CSMD1: variants seen among roughly 807,000 people sequenced by gnomAD.
CSMD1 encodes the protein CUB and sushi domain-containing protein 1.
Under a neutral mutation model 417.5 loss-of-function variants are expected in CSMD1, and 213 were observed. The observed-to-expected ratio is 0.51, with a 90% CI of 0.46 to 0.57. The LOEUF (loss-of-function observed/expected upper bound fraction) is 0.57. Among genes scored for constraint, CSMD1 ranks in the 20% least tolerant of loss-of-function variants. CSMD1 has a pLI of 0.00. For synonymous variants in CSMD1, 2,862 were observed against 1,736.8 expected (o/e 1.65, Z -16.11); for missense variants, 6,923 against 4,529.7 (o/e 1.53, Z -15.17).
intron 2 of CSMD1, among the ~76,000 whole-genome samples, chr8:4,548,742 C>A (rs1236225521): frequency 1.3e-5 from 2 of 152,130 alleles, no homozygotes; most frequent in African/African-American, 4.8e-5. Flanking sequence ...AATTACAGAA[C>A]CGCTTTGAAA....
Position 3,586,183 on chromosome 8 carries a change from A to G in CSMD1, c.1175T>C (p.Val392Ala). The G allele has an allele frequency of 6.2e-7, 1 of 1,612,518 alleles. No homozygotes were observed. Among genetic ancestry groups the G allele is most frequent in the Non-Finnish European group, 8.5e-7 (1 of 1,179,388 alleles). ...ACTCCAAGCAGCGAGCGTCTCTGTAACTCTCTGACAGGTGATGCTTTTAGA... is the reference window on the plus strand; with the variant it reads ...ACTCCAAGCAGCGAGCGTCTCTGTAGCTCTCTGACAGGTGATGCTTTTAGA... ...QGSKSITCQRVTETLAAWSDH... is the reference protein window; with the variant it reads ...QGSKSITCQRATETLAAWSDH... Residue 392 changes from valine (V) to alanine (A), a missense_variant, in exon 9 of 70, where the codon GTT (valine) becomes GCT (alanine). Transcript: ENST00000635120.
intron 2 of CSMD1, among the ~76,000 whole-genome samples, chr8:4,575,305 T>G (rs796210456): frequency 2.0e-5 from 3 of 152,238 alleles, no homozygotes; most frequent in Middle Eastern, 3.2e-3. Flanking sequence ...CTGTCCTTTT[T>G]ATGTAATAAT....
At chr8:3,762,844 A>G (rs1798086322) in intron 5 of CSMD1, among the ~76,000 whole-genome samples, 1 of 152,184 alleles carries the variant, frequency 6.6e-6, no homozygotes, top group Non-Finnish European at 1.5e-5. Flanking sequence ...TGCCAGAGTA[A>G]GCAGCCGAGA....
chr8:3,074,512 G>C (rs1377907208), intron 49 of CSMD1, among the ~76,000 whole-genome samples: 1 of 152,222 alleles, frequency 6.6e-6, no homozygotes, highest in African/African-American at 2.4e-5. Flanking sequence ...CACACCTGTA[G>C]TGGAGCAGCC....
chr8:4,214,243 G>C (rs1472630618), intron 3 of CSMD1, among the ~76,000 whole-genome samples: 5 of 152,172 alleles, frequency 3.3e-5, no homozygotes, highest in Non-Finnish European at 5.9e-5. Context: ...AGTAAGCCTT[G>C]AAATGTTTGA....
chr8:4,337,640 C>A (rs1800244025), intron 3 of CSMD1, among the ~76,000 whole-genome samples: 1 of 152,104 alleles, frequency 6.6e-6, no homozygotes, highest in South Asian at 2.1e-4. Context: ...CTGAACTATT[C>A]CGTTGACTTA....
At chr8:4,971,933 T>C (rs992121134) in intron 1 of CSMD1, among the ~76,000 whole-genome samples, 2 of 152,168 alleles carry the variant, frequency 1.3e-5, no homozygotes, top group African/African-American at 4.8e-5. Context: ...AATAAACTCA[T>C]TGGGAGCAAA....
chr8:3,292,167 T>C (rs1803628841), intron 25 of CSMD1, among the ~76,000 whole-genome samples: 1 of 152,212 alleles, frequency 6.6e-6, no homozygotes, highest in Non-Finnish European at 1.5e-5. Flanking sequence ...TGAGTTCTAG[T>C]TTGATTGCAC....
intron 3 of CSMD1, among the ~76,000 whole-genome samples, chr8:4,307,138 G>C (rs371679456): frequency 6.6e-6 from 1 of 152,192 alleles, no homozygotes; most frequent in South Asian, 2.1e-4. Context: ...TCTGTACTGA[G>C]TTCCCATTTC....
intron 26 of CSMD1, among the ~76,000 whole-genome samples, chr8:3,281,589 C>T (rs188824214): frequency 1.3e-5 from 2 of 152,286 alleles, no homozygotes; most frequent in Non-Finnish European, 2.9e-5. Context: ...TGAAAGGCCA[C>T]ACACTGCGTG....
intron 12 of CSMD1, among the ~76,000 whole-genome samples, chr8:3,411,840 A>G (rs1385530486): frequency 2.1e-5 from 2 of 97,116 alleles, no homozygotes; most frequent in Non-Finnish European, 4.6e-5. Context: ...ATATGCACGT[A>G]TATATGCACG....
At chr8:4,914,522 G>A (rs1805921377) in intron 1 of CSMD1, among the ~76,000 whole-genome samples, 1 of 149,338 alleles carries the variant, frequency 6.7e-6, no homozygotes. Context: ...AGTTTGCAGT[G>A]AGCTGAGATC....
At chr8:3,729,316 G>C (rs1408913662) in intron 6 of CSMD1, among the ~76,000 whole-genome samples, 1 of 152,190 alleles carries the variant, frequency 6.6e-6, no homozygotes, top group East Asian at 1.9e-4. Flanking sequence ...GATGCTGTCT[G>C]AGGGTGGGCT....
At chr8:3,654,547 G>A (rs1322667066) in intron 7 of CSMD1, among the ~76,000 whole-genome samples, 2 of 152,154 alleles carry the variant, frequency 1.3e-5, no homozygotes, top group Non-Finnish European at 2.9e-5. Context: ...AAATTGTCAT[G>A]ATTATACGGA....
chr8:3,781,207 G>A (rs1037217006), intron 5 of CSMD1, among the ~76,000 whole-genome samples: 1 of 152,120 alleles, frequency 6.6e-6, no homozygotes, highest in Non-Finnish European at 1.5e-5. Flanking sequence ...GATAATTGGA[G>A]CAAAATTTAA....
intron 26 of CSMD1, among the ~76,000 whole-genome samples, chr8:3,269,011 T>C (rs13264410): frequency 0.27 from 40,381 of 152,178 alleles, 5,592 homozygotes; most frequent in African/African-American, 0.33. Context: ...CCATTTTACA[T>C]GTCTTGATTC....
At chr8:3,177,588 G>C (rs1000743032) in intron 37 of CSMD1, among the ~76,000 whole-genome samples, 4 of 152,108 alleles carry the variant, frequency 2.6e-5, no homozygotes. Context: ...CCATAGTAGG[G>C]ATAACTGGGG....
At chr8:3,938,897 A>G (rs970649528) in intron 5 of CSMD1, among the ~76,000 whole-genome samples, 1 of 152,172 alleles carries the variant, frequency 6.6e-6, no homozygotes, top group East Asian at 1.9e-4. Flanking sequence ...CTGTATATCT[A>G]TATGCTCAAT....
rs71530613 is a variant in CSMD1, at chr8:3,226,936, GA to G, written c.4346-3070del. Among the ~76,000 whole-genome samples, 403 of 148,532 alleles carry G rather than the reference GA, an allele frequency of 2.7e-3. 3 individuals carry two copies. The highest frequency in any genetic ancestry group is 7.7e-3 in the African/African-American group (312 of 40,580). On this transcript the variant is annotated intron_variant, in intron 27 of 69. Transcript: ENST00000635120. ...AAATTCAAACAGCCAATAAGCATAT[GA>G]AAAAAAAAAGTTCGACCTTATTATT...
Sources: allele counts gnomAD v4.1 joint callset (sites outside exome capture counted in the v4.1 genomes callset), GRCh38; gene constraint gnomAD v4.1.1; transcripts MANE v1.5; gene names NCBI Gene and HGNC (gene_info 2026-07-23, HGNC 2026-07-21).